FSTL5: variants seen among roughly 807,000 people sequenced by gnomAD.
FSTL5 encodes follistatin-related protein 5.
FSTL5 carries 62 observed loss-of-function variants against 89.1 expected under a neutral mutation model. The ratio of observed to expected loss-of-function variants is 0.70; its 90% CI spans 0.57 to 0.86. FSTL5 has a LOEUF of 0.86. Among genes scored for constraint, FSTL5 ranks in the 40% least tolerant of loss-of-function variants. The probability of loss-of-function intolerance (pLI) is 0.00; values close to 1 mark genes in which losing one functional copy is unlikely to be tolerated. For synonymous variants in FSTL5, 383 were observed against 346.2 expected, an observed-to-expected ratio of 1.11 and a Z score of -1.18; for missense variants, 1,057 against 1,001.6, an observed-to-expected ratio of 1.06 and a Z score of -0.75.
intron 5 of FSTL5, among the ~76,000 whole-genome samples, chr4:161,767,400 A>C (rs1429488909): frequency 6.6e-6 from 1 of 152,170 alleles, no homozygotes; most frequent in Non-Finnish European, 1.5e-5. Flanking sequence ...AGTTCTTTAC[A>C]CGTTTGTCGA....
At chr4:161,717,592 A>G (rs1739032275) in intron 6 of FSTL5, among the ~76,000 whole-genome samples, 1 of 152,192 alleles carries the variant, frequency 6.6e-6, no homozygotes. Context: ...GGAGTCTTTG[A>G]ATTCTGCAAA....
intron 3 of FSTL5, among the ~76,000 whole-genome samples, chr4:161,980,912 G>T (rs1267296965): frequency 1.3e-5 from 2 of 150,956 alleles, no homozygotes; most frequent in East Asian, 3.9e-4. Context: ...AAGTAGCTGG[G>T]GTCACGCCCG....
chr4:161,625,065 T>A (rs1010469077), intron 7 of FSTL5, among the ~76,000 whole-genome samples: 14 of 152,120 alleles, frequency 9.2e-5, no homozygotes, highest in African/African-American at 3.4e-4. Flanking sequence ...ACAGTATTGT[T>A]CAATAATGGG....
At position 162,026,304 on chromosome 4, in the gene FSTL5, CT is replaced by C. The variant is rs397996028; in HGVS notation, c.160+7320del. Among the ~76,000 whole-genome samples, 20 of 79,480 alleles carry C rather than the reference CT, an allele frequency of 2.5e-4. 1 individual carries two copies. Among genetic ancestry groups the C allele is most frequent in the African/African-American group, 8.3e-4 (17 of 20,420 alleles). 52.1% of individuals were successfully genotyped at this position (79,480 alleles called of 152,430 possible). On this transcript the variant is annotated intron_variant, in intron 3 of 15. Transcript: ENST00000306100. ...TTTCAGGAGACAGCTTATGTATTTT[CT>C]TTTTTTTTTTTTTTCTTTTTGAGAC...
chr4:161,778,509 G>A (rs1741504206), intron 4 of FSTL5, among the ~76,000 whole-genome samples: 1 of 152,136 alleles, frequency 6.6e-6, no homozygotes, highest in South Asian at 2.1e-4. Flanking sequence ...TCTCTTTCGA[G>A]ACAAAATGGA....
intron 2 of FSTL5, among the ~76,000 whole-genome samples, chr4:162,073,327 T>C (rs1174349252): frequency 6.6e-6 from 1 of 151,746 alleles, no homozygotes; most frequent in African/African-American, 2.4e-5. Context: ...TGCTTTTAAA[T>C]TGACTAGTTT....
intron 1 of FSTL5, among the ~76,000 whole-genome samples, chr4:162,157,781 T>C (rs943490312): frequency 6.6e-6 from 1 of 152,086 alleles, no homozygotes; most frequent in African/African-American, 2.4e-5. Flanking sequence ...GGGGATTCAG[T>C]AGGGAGTCTG....
At chr4:161,765,558 T>C (rs1262005208) in intron 5 of FSTL5, among the ~76,000 whole-genome samples, 3 of 152,206 alleles carry the variant, frequency 2.0e-5, no homozygotes, top group Non-Finnish European at 4.4e-5. Context: ...TTTGTAAAAA[T>C]GCTGCAAAAA....
intron 7 of FSTL5, among the ~76,000 whole-genome samples, chr4:161,643,680 A>C (rs1736042468): frequency 1.3e-5 from 2 of 152,144 alleles, no homozygotes; most frequent in African/African-American, 4.8e-5. Context: ...TGGGAGATTA[A>C]ATTGAAAGTG....
chr4:162,129,399 C>G (rs1732209969), intron 1 of FSTL5, among the ~76,000 whole-genome samples: 1 of 152,162 alleles, frequency 6.6e-6, no homozygotes, highest in Admixed American at 6.5e-5. Flanking sequence ...TTTAATATCT[C>G]CAAACAAATC....
Position 162,040,021 on chromosome 4 carries a change from T to C in FSTL5, c.127-6363A>G, listed in dbSNP as rs191380577. Among the ~76,000 whole-genome samples the C allele has an allele frequency of 2.6e-5, 4 of 152,098 alleles. No homozygotes were observed. The East Asian group carries it at 7.7e-4, about 29-fold the overall frequency. ...AAATAGTCAATGGATAAAAATAAAG[T>C]TTATAAAAATATAAATTTTGTGGGA... On this transcript the variant is annotated intron_variant, in intron 2 of 15. Coordinates refer to ENST00000306100, the MANE Select transcript of FSTL5 (RefSeq NM_020116.5).
intron 4 of FSTL5, among the ~76,000 whole-genome samples, chr4:161,867,771 A>C (rs1732138048): frequency 6.6e-6 from 1 of 151,726 alleles, no homozygotes; most frequent in Non-Finnish European, 1.5e-5. Flanking sequence ...ACATTCTAAG[A>C]TGGTCTTTCA....
chr4:161,894,872 T>G (rs1188828717), intron 4 of FSTL5, among the ~76,000 whole-genome samples: 1 of 152,248 alleles, frequency 6.6e-6, no homozygotes, highest in Non-Finnish European at 1.5e-5. Context: ...AATTATTTTC[T>G]TCAAGAATGT....
At chr4:162,064,405 G>A (rs1048019014) in intron 2 of FSTL5, among the ~76,000 whole-genome samples, 2 of 152,024 alleles carry the variant, frequency 1.3e-5, no homozygotes, top group African/African-American at 4.8e-5. Flanking sequence ...CTGTGTGTCT[G>A]TGAGAACAGG....
At chr4:161,442,254 C>A (rs921388103) in intron 15 of FSTL5, among the ~76,000 whole-genome samples, 1 of 150,888 alleles carries the variant, frequency 6.6e-6, no homozygotes, top group East Asian at 1.9e-4. Context: ...TTTCATTGTG[C>A]CTTAGTTTAC....
chr4:161,898,804 T>C (rs948708008), intron 4 of FSTL5, among the ~76,000 whole-genome samples: 1 of 151,934 alleles, frequency 6.6e-6, no homozygotes, highest in African/African-American at 2.4e-5. Context: ...TAATTTTTTG[T>C]ATTTTTAGTA....
rs368087481 is a variant in FSTL5 at position 161,954,201 on chromosome 4, T to A, written c.161-33549A>T. 4.6e-5 allele frequency among the ~76,000 whole-genome samples: 7 copies of A among 151,778 alleles called. No individual in the cohort carries two copies. In the South Asian group the frequency reaches 1.2e-3, roughly 27 times the overall value. ...TAAGGGACAGATCCACAATATACAT[T>A]AATAATTAGAGTGTCATCTCAAATT... On this transcript the variant is annotated intron_variant, in intron 3 of 15. Transcript: ENST00000306100.
At chr4:161,798,396 C>T (rs548211449) in intron 4 of FSTL5, among the ~76,000 whole-genome samples, 125 of 151,542 alleles carry the variant, frequency 8.2e-4, no homozygotes, top group African/African-American at 2.9e-3. Context: ...AGTTTATCAA[C>T]CCCTATCTTT....
At chr4:161,768,694 A>G (rs1447728104) in intron 5 of FSTL5, among the ~76,000 whole-genome samples, 1 of 151,998 alleles carries the variant, frequency 6.6e-6, no homozygotes, top group Non-Finnish European at 1.5e-5. Context: ...CTCAAAGGGA[A>G]GTACAAAAGA....
Sources: gnomAD v4.1 joint callset for allele counts (sites outside exome capture counted in the v4.1 genomes callset) on GRCh38, gnomAD v4.1.1 for gene constraint, MANE v1.5 for transcripts, NCBI Gene and HGNC (gene_info 2026-07-23, HGNC 2026-07-21) for gene names.